SPIRE1: variants seen among roughly 807,000 people sequenced by gnomAD.
SPIRE1 encodes the protein spire type actin nucleation factor 1, also known as protein spire homolog 1.
SPIRE1 carries 40 observed loss-of-function variants against 94.1 expected under a neutral mutation model. The observed-to-expected ratio is 0.43, with a 90% confidence interval of 0.33 to 0.55. The LOEUF (loss-of-function observed/expected upper bound fraction) is 0.55, where lower values mean the gene tolerates loss of function less well. SPIRE1 is among the 20% of genes least tolerant of loss of function. SPIRE1 has a pLI of 0.06. For missense variants in SPIRE1, 838 were observed against 975.2 expected (o/e 0.86, Z 1.87); for synonymous variants, 376 against 371.7 (o/e 1.01, Z -0.13).
intron 4 of SPIRE1, among the ~76,000 whole-genome samples, chr18:12,525,314 T>C (rs1022988090): frequency 2.8e-5 from 4 of 140,506 alleles, no homozygotes; most frequent in Middle Eastern, 7.4e-3. Flanking sequence ...ATAATAATAA[T>C]AATAACAAAG....
chr18:12,581,591 C>A (rs112624130), intron 2 of SPIRE1, among the ~76,000 whole-genome samples: 1 of 152,140 alleles, frequency 6.6e-6, no homozygotes, highest in African/African-American at 2.4e-5. Flanking sequence ...AGGCCAGGCA[C>A]GGTGGCTCAT....
intron 2 of SPIRE1, among the ~76,000 whole-genome samples, chr18:12,587,053 A>G (rs1024405404): frequency 9.9e-5 from 15 of 152,220 alleles, no homozygotes; most frequent in Admixed American, 9.8e-4. Context: ...CAGTAATTCT[A>G]TCAAGTAGGT....
At chr18:12,601,779 C>T (rs1275462325) in intron 2 of SPIRE1, among the ~76,000 whole-genome samples, 2 of 152,158 alleles carry the variant, frequency 1.3e-5, no homozygotes, top group Non-Finnish European at 2.9e-5. Context: ...CGAGGTTCCT[C>T]CATGTGGCTA....
At chr18:12,562,830 C>T (rs1314524752) in intron 2 of SPIRE1, among the ~76,000 whole-genome samples, 1 of 151,990 alleles carries the variant, frequency 6.6e-6, no homozygotes, top group African/African-American at 2.4e-5. Flanking sequence ...TCTTTAAATG[C>T]ATACAACACA....
At position 12,546,977 on chromosome 18, in the gene SPIRE1, T is replaced by C. The variant is rs141248251; in HGVS notation, c.373-73A>G. ...CTAGGACTAATTGTGAGGCATAAGA[T>C]GTTTAGTATGATTTTTTCCCTCAAA... On this transcript the variant is annotated intron_variant, in intron 2 of 16. Coordinates refer to ENST00000409402, the MANE Select transcript of SPIRE1 (RefSeq NM_001128626.2). 3.5e-4 allele frequency: 354 copies of C among 1,011,302 alleles called. 1 individual carries two copies. In the African/African-American group the frequency reaches 5.3e-3, roughly 15 times the overall value. The allele number at this position is 1,011,302 out of a possible 1,614,324, so 62.6% of individuals were successfully genotyped here.
At chr18:12,466,174 T>A (rs2032089576) in intron 10 of SPIRE1, among the ~76,000 whole-genome samples, 1 of 152,190 alleles carries the variant, frequency 6.6e-6, no homozygotes, top group Non-Finnish European at 1.5e-5. Context: ...GATCCTAACT[T>A]GTTTTAGACT....
chr18:12,569,778 C>T (rs1197658376), intron 2 of SPIRE1, among the ~76,000 whole-genome samples: 1 of 152,112 alleles, frequency 6.6e-6, no homozygotes, highest in Non-Finnish European at 1.5e-5. Flanking sequence ...TTTCCAGGGC[C>T]TCTGACATTC....
chr18:12,584,095 T>C (rs978066031), intron 2 of SPIRE1, among the ~76,000 whole-genome samples: 1 of 151,908 alleles, frequency 6.6e-6, no homozygotes, highest in Non-Finnish European at 1.5e-5. Context: ...GACAGAAATA[T>C]ATAATACATG....
intron 2 of SPIRE1, among the ~76,000 whole-genome samples, chr18:12,626,845 C>T (rs553265683): frequency 4.2e-5 from 6 of 141,472 alleles, no homozygotes; most frequent in African/African-American, 1.6e-4. Flanking sequence ...TATAACAGTA[C>T]TTGGAATATA....
At chr18:12,614,746 A>G (rs1340940493) in intron 2 of SPIRE1, among the ~76,000 whole-genome samples, 2 of 152,126 alleles carry the variant, frequency 1.3e-5, no homozygotes, top group African/African-American at 4.8e-5. Context: ...TGAACCCGGG[A>G]GGCAGAGGTT....
intron 4 of SPIRE1, among the ~76,000 whole-genome samples, chr18:12,512,775 CTTT>C (rs35531986): frequency 1.6e-3 from 223 of 140,232 alleles, no homozygotes; most frequent in Non-Finnish European, 1.5e-3. Flanking sequence ...CTTTCTTTTT[CTTT>C]TTTTTTTTTT....
intron 4 of SPIRE1, among the ~76,000 whole-genome samples, chr18:12,522,066 G>T (rs890906834): frequency 6.6e-6 from 1 of 152,200 alleles, no homozygotes; most frequent in African/African-American, 2.4e-5. Context: ...TAAATCAAAA[G>T]CGAGAAATGA....
chr18:12,463,505 A>C lies in SPIRE1; in HGVS notation c.1496-12T>G. 6.2e-7 allele frequency: 1 copy of C among 1,603,596 alleles called. No homozygotes were observed. Among genetic ancestry groups the C allele is most frequent in the Non-Finnish European group, 8.5e-7 (1 of 1,175,478 alleles). ...GAATTTTGGAGGCTCTAAAGATTGA[A>C]CCAAATGAAATAAAACTTACTGTGA... On this transcript the variant is annotated splice_polypyrimidine_tract_variant and intron_variant, in intron 11 of 16. Transcript: ENST00000409402.
intron 1 of SPIRE1, among the ~76,000 whole-genome samples, chr18:12,644,866 C>T (rs2038180061): frequency 6.6e-6 from 1 of 152,032 alleles, no homozygotes. Context: ...ACAAAATGCC[C>T]CCACATATAT....
At chr18:12,629,200 A>G (rs1180925373) in intron 2 of SPIRE1, among the ~76,000 whole-genome samples, 1 of 152,224 alleles carries the variant, frequency 6.6e-6, no homozygotes, top group African/African-American at 2.4e-5. Context: ...AGTGCTACAT[A>G]ATTAGTGGTG....
intron 5 of SPIRE1, among the ~76,000 whole-genome samples, chr18:12,511,374 T>C (rs2034031336): frequency 6.6e-6 from 1 of 152,094 alleles, no homozygotes; most frequent in East Asian, 1.9e-4. Flanking sequence ...AACCCTACTG[T>C]GAACTGCACA....
chr18:12,615,943 A>T (rs2037295834), intron 2 of SPIRE1, among the ~76,000 whole-genome samples: 2 of 152,202 alleles, frequency 1.3e-5, no homozygotes, highest in South Asian at 4.1e-4. Flanking sequence ...GCTTGTCATG[A>T]GTTGCAGAAT....
intron 7 of SPIRE1, among the ~76,000 whole-genome samples, chr18:12,494,090 C>A (rs981386190): frequency 1.3e-5 from 2 of 151,406 alleles, no homozygotes; most frequent in African/African-American, 4.8e-5. Context: ...TCTTTAATTT[C>A]TTTGTAGAGA....
At chr18:12,627,111 A>C (rs985040115) in intron 2 of SPIRE1, among the ~76,000 whole-genome samples, 2 of 152,020 alleles carry the variant, frequency 1.3e-5, no homozygotes, top group African/African-American at 4.8e-5. Flanking sequence ...TCTAGGGTAC[A>C]TGCGCACAAT....
Sources: allele counts gnomAD v4.1 joint callset (sites outside exome capture counted in the v4.1 genomes callset), GRCh38; gene constraint gnomAD v4.1.1; transcripts MANE v1.5; gene names NCBI Gene and HGNC (gene_info 2026-07-23, HGNC 2026-07-21).